TMPRSS15: variants seen among roughly 807,000 people sequenced by gnomAD.
TMPRSS15 encodes the protein enteropeptidase.
TMPRSS15 carries 128 observed loss-of-function variants against 125.3 expected under a neutral mutation model. The ratio of observed to expected loss-of-function variants is 1.02; its 90% CI spans 0.89 to 1.18. TMPRSS15 has a LOEUF of 1.18. TMPRSS15 is among the 50% of genes most tolerant of loss of function. TMPRSS15 has a pLI of 0.00. For missense variants in TMPRSS15, 1,283 were observed against 1,212.7 expected (o/e 1.06, Z -0.86); for synonymous variants, 446 against 423.2 (o/e 1.05, Z -0.66).
Position 18,326,437 on chromosome 21 carries a change from A to G in TMPRSS15, c.1916T>C (p.Ile639Thr). 6.2e-7 allele frequency: 1 copy of G among 1,614,136 alleles called. No homozygotes were observed. Among genetic ancestry groups the G allele is most frequent in the South Asian group, 1.1e-5 (1 of 91,090 alleles). The change falls in exon 16 of 25, where the codon ATT becomes ACT. Residue 639 changes from isoleucine to threonine, a missense_variant. Physicochemically the swap from Ile to Thr is moderately conservative, Grantham distance 89. Coordinates refer to ENST00000284885, the MANE Select transcript of TMPRSS15 (RefSeq NM_002772.3). ...ANFTTGYHLG[I>T]PEPCKADHFQ... ...TGTGATTTATGGGCTCCTACCTGGA[A>G]TCCCCAAGTGATAGCCAGTAGTAAA... is the stretch of plus-strand genomic sequence containing the variant.
intron 10 of TMPRSS15, among the ~76,000 whole-genome samples, chr21:18,346,585 A>G (rs2075511126): frequency 6.6e-6 from 1 of 152,176 alleles, no homozygotes; most frequent in South Asian, 2.1e-4. Flanking sequence ...TAATTTGAGA[A>G]GCCGTCAATT....
At chr21:18,350,168 G>A (rs1421672362) in intron 10 of TMPRSS15, among the ~76,000 whole-genome samples, 1 of 152,058 alleles carries the variant, frequency 6.6e-6, no homozygotes, top group East Asian at 1.9e-4. Context: ...TTATCATGTA[G>A]GGGTTAGTTT....
At chr21:18,474,997 G>A (rs1051787842) in intron 1 of TMPRSS15, among the ~76,000 whole-genome samples, 1 of 152,168 alleles carries the variant, frequency 6.6e-6, no homozygotes, top group Non-Finnish European at 1.5e-5. Context: ...CTAGGAAGAT[G>A]TGAGACCATA....
In TMPRSS15 at chr21:18,281,065, A is replaced by T. The variant is rs1474437984; in HGVS notation, c.2643T>A (p.His881Gln). The change falls in exon 22 of 25, where the codon CAT becomes CAA. Residue 881 changes from histidine (H) to glutamine (Q), a missense_variant. Coordinates refer to ENST00000284885, the MANE Select transcript of TMPRSS15 (RefSeq NM_002772.3). ...CTGTGTAATTCACTTTAAATTCCAG[A>T]TGCATCATGGCAATGTCGTTGTCCT... is the stretch of plus-strand genomic sequence containing the variant. ...RRKDNDIAMM[H>Q]LEFKVNYTDY... The T allele has an allele frequency of 1.9e-6, 3 of 1,613,892 alleles. No homozygotes were observed. Among genetic ancestry groups the T allele is most frequent in the Non-Finnish European group, 1.7e-6 (2 of 1,180,006 alleles).
At chr21:18,335,660 T>C (rs2075384519) in intron 13 of TMPRSS15, among the ~76,000 whole-genome samples, 1 of 152,224 alleles carries the variant, frequency 6.6e-6, no homozygotes, top group African/African-American at 2.4e-5. Flanking sequence ...ATCCCTGGCC[T>C]GATAAAATAG....
intron 1 of TMPRSS15, among the ~76,000 whole-genome samples, chr21:18,427,500 T>C (rs1326801337): frequency 2.0e-5 from 3 of 152,194 alleles, no homozygotes; most frequent in Non-Finnish European, 4.4e-5. Context: ...GCTTTGTGAA[T>C]AAAAAGCTAT....
chr21:18,449,462 T>C (rs1457734408), intron 1 of TMPRSS15, among the ~76,000 whole-genome samples: 1 of 152,098 alleles, frequency 6.6e-6, no homozygotes, highest in African/African-American at 2.4e-5. Flanking sequence ...CTTTTTTAAA[T>C]TGTGTAACTT....
intron 1 of TMPRSS15, among the ~76,000 whole-genome samples, chr21:18,436,638 C>T (rs1252180675): frequency 6.6e-6 from 1 of 151,170 alleles, no homozygotes; most frequent in Non-Finnish European, 1.5e-5. Flanking sequence ...CATTCTTACA[C>T]ACCAATAACA....
intron 1 of TMPRSS15, among the ~76,000 whole-genome samples, chr21:18,447,955 A>G (rs1271329485): frequency 6.6e-6 from 1 of 152,184 alleles, no homozygotes; most frequent in Non-Finnish European, 1.5e-5. Flanking sequence ...GTTTTCAAAA[A>G]GATAAAAAGG....
Position 18,269,883 on chromosome 21 carries a change from A to T in TMPRSS15, c.*86T>A. ...TAAAAACCTTTGGTAACTTTTTAAA[A>T]TTTTTGTACGAAACACTTAATTTCC... On this transcript the variant is annotated 3_prime_UTR_variant, in exon 25 of 25. Coordinates refer to ENST00000284885, the MANE Select transcript of TMPRSS15 (RefSeq NM_002772.3). 1 of 1,541,212 alleles carries T rather than the reference A, an allele frequency of 6.5e-7. No individual in the cohort carries two copies.
At chr21:18,367,166 A>G (rs1326807194) in intron 6 of TMPRSS15, among the ~76,000 whole-genome samples, 1 of 152,128 alleles carries the variant, frequency 6.6e-6, no homozygotes, top group Non-Finnish European at 1.5e-5. Context: ...AGAAAAAAAG[A>G]ACGAAAATAA....
At chr21:18,356,606 G>A (rs1338290961) in intron 8 of TMPRSS15, among the ~76,000 whole-genome samples, 1 of 151,680 alleles carries the variant, frequency 6.6e-6, no homozygotes, top group East Asian at 1.9e-4. Context: ...ATTTCTGGAA[G>A]GGATGACTTA....
intron 19 of TMPRSS15, among the ~76,000 whole-genome samples, chr21:18,297,359 T>C (rs9976107): frequency 0.12 from 17,716 of 152,182 alleles, 1,126 homozygotes; most frequent in Middle Eastern, 0.21. Context: ...TAATTTGGTC[T>C]GCCTCCAGTC....
intron 1 of TMPRSS15, among the ~76,000 whole-genome samples, chr21:18,416,768 A>T (rs1320483847): frequency 6.6e-6 from 1 of 152,072 alleles, no homozygotes; most frequent in Non-Finnish European, 1.5e-5. Flanking sequence ...GCTATTGGAC[A>T]TGATAAACTC....
Position 18,388,382 on chromosome 21 carries a change from C to T in TMPRSS15, c.345-4604G>A, listed in dbSNP as rs574367454. ...ATCTAGAGAAATAAAAGATTACTTA[C>T]TAAATATCAGAAAAATTTGGGATTT... On this transcript the variant is annotated intron_variant, in intron 3 of 24. Coordinates refer to ENST00000284885, the MANE Select transcript of TMPRSS15 (RefSeq NM_002772.3). 3.9e-5 allele frequency among the ~76,000 whole-genome samples: 6 copies of T among 152,256 alleles called. No homozygotes were observed. In the East Asian group the frequency reaches 1.2e-3, roughly 29 times the overall value.
intron 21 of TMPRSS15, among the ~76,000 whole-genome samples, chr21:18,286,014 G>A (rs936191228): frequency 1.3e-5 from 2 of 152,206 alleles, no homozygotes; most frequent in African/African-American, 4.8e-5. Flanking sequence ...GTAAGAAACA[G>A]AAGTAAGTAC....
intron 1 of TMPRSS15, among the ~76,000 whole-genome samples, chr21:18,444,536 TGACG>T (rs1479412747): frequency 2.0e-5 from 3 of 152,132 alleles, no homozygotes; most frequent in Admixed American, 2.0e-4. Flanking sequence ...CTAATGTAGA[TGACG>T]GGTTGATGGG....
At chr21:18,400,445 T>A (rs1320321397) in intron 1 of TMPRSS15, among the ~76,000 whole-genome samples, 1 of 152,152 alleles carries the variant, frequency 6.6e-6, no homozygotes, top group Non-Finnish European at 1.5e-5. Flanking sequence ...AGCCATCTAA[T>A]CTTTAACAAA....
At chr21:18,302,907 CTTTT>C (rs926655172) in intron 18 of TMPRSS15, among the ~76,000 whole-genome samples, 2 of 152,042 alleles carry the variant, frequency 1.3e-5, no homozygotes, top group African/African-American at 4.8e-5. Context: ...GTTGGAGTTC[CTTTT>C]GTTTGTTTGT....
Sources: allele counts gnomAD v4.1 joint callset (sites outside exome capture counted in the v4.1 genomes callset), GRCh38; gene constraint gnomAD v4.1.1; transcripts MANE v1.5; gene names NCBI Gene and HGNC (gene_info 2026-07-23, HGNC 2026-07-21).